CAPZA2: variants seen among roughly 807,000 people sequenced by gnomAD.
CAPZA2 encodes the protein F-actin-capping protein subunit alpha-2.
CAPZA2 carries 13 observed loss-of-function variants against 44.0 expected under a neutral mutation model. The ratio of observed to expected loss-of-function variants is 0.30; its 90% CI spans 0.19 to 0.47. The LOEUF (loss-of-function observed/expected upper bound fraction) is 0.47. Among genes scored for constraint, CAPZA2 ranks in the 20% least tolerant of loss-of-function variants. The pLI, the probability that CAPZA2 is intolerant of heterozygous loss-of-function variation, is 1.00. For synonymous variants in CAPZA2, 94 were observed against 108.2 expected, an observed-to-expected ratio of 0.87 and a Z score of 0.81; for missense variants, 244 against 338.6, an observed-to-expected ratio of 0.72 and a Z score of 2.19.
At chr7:116,886,692 C>T (rs1054753069) in intron 1 of CAPZA2, among the ~76,000 whole-genome samples, 1 of 152,208 alleles carries the variant, frequency 6.6e-6, no homozygotes, top group African/African-American at 2.4e-5. Flanking sequence ...CAGGACCTGT[C>T]TCCAGAGATT....
chr7:116,877,253 CAAG>C (rs1796634472), intron 1 of CAPZA2, among the ~76,000 whole-genome samples: 1 of 152,104 alleles, frequency 6.6e-6, no homozygotes, highest in South Asian at 2.1e-4. Flanking sequence ...AATAATATAC[CAAG>C]AAGTTTTTAA....
Position 116,920,200 on chromosome 7 carries a change from G to A in CAPZA2, c.*2333G>A, listed in dbSNP as rs1455978276. 2.0e-5 allele frequency: 3 copies of A among 152,036 alleles called. No individual in the cohort carries two copies. Among genetic ancestry groups the A allele is most frequent in the Non-Finnish European group, 4.4e-5 (3 of 68,076 alleles). The allele number at this position is 152,036 out of a possible 1,614,324, so 9.4% of individuals were successfully genotyped here. ...GTGGAGGTTGCAGTGAGCAGAGATC[G>A]AGCCACTGTACTCCAGCCTGGGTGA... On this transcript the variant is annotated 3_prime_UTR_variant, in exon 10 of 10. Transcript: ENST00000361183.
At chr7:116,914,432 TAC>T (rs71148345) in intron 8 of CAPZA2, among the ~76,000 whole-genome samples, 3,753 of 145,120 alleles carry the variant, frequency 0.026, 110 homozygotes, top group African/African-American at 0.07. Flanking sequence ...TATACATACA[TAC>T]ACACACACAC....
intron 1 of CAPZA2, among the ~76,000 whole-genome samples, chr7:116,864,047 T>C (rs1796451473): frequency 6.6e-6 from 1 of 152,140 alleles, no homozygotes; most frequent in African/African-American, 2.4e-5. Flanking sequence ...AGTAGGCAGA[T>C]CCCCGTATCC....
chr7:116,895,646 T>C (rs539754650), intron 3 of CAPZA2, among the ~76,000 whole-genome samples: 1 of 152,004 alleles, frequency 6.6e-6, no homozygotes, highest in East Asian at 1.9e-4. Flanking sequence ...CATGTAGTTA[T>C]AATCTCAGTG....
At chr7:116,873,714 G>A (rs1796581621) in intron 1 of CAPZA2, 1 of 155,924 alleles carries the variant, frequency 6.4e-6, no homozygotes, top group Admixed American at 6.5e-5. Context: ...TGTTCTAGAT[G>A]GTAATTATAA....
In CAPZA2 at chr7:116,888,172, T is replaced by C; in HGVS notation, c.85T>C (p.Phe29Leu). 1.2e-6 allele frequency: 2 copies of C among 1,610,500 alleles called. No homozygotes were observed. The highest frequency in any genetic ancestry group is 1.7e-6 in the Non-Finnish European group (2 of 1,177,792). Reference protein sequence around the residue: ...KFIIHAPPGEFNEVFNDVRLL... With the variant: ...KFIIHAPPGELNEVFNDVRLL... ...CATCATTCATGCCCCTCCTGGAGAA[T>C]TTAATGAGGTTTTCAATGGTGAGTG... Residue 29 changes from phenylalanine to leucine, a missense_variant, in exon 2 of 10, where the codon TTT becomes CTT. Physicochemically the swap from Phe to Leu is conservative, Grantham distance 22 (BLOSUM62 0). Coordinates refer to ENST00000361183, the MANE Select transcript of CAPZA2 (RefSeq NM_006136.3).
intron 1 of CAPZA2, among the ~76,000 whole-genome samples, chr7:116,862,999 G>GCCGGGGA (rs1297742566): frequency 2.6e-5 from 4 of 152,108 alleles, no homozygotes; most frequent in African/African-American, 4.8e-5. Flanking sequence ...CTCCGCCGGG[G>GCCGGGGA]CCGGGGACCG....
chr7:116,862,854 CCTGCTCGCTCCG>C (rs1472329770), intron 1 of CAPZA2, among the ~76,000 whole-genome samples: 5 of 151,910 alleles, frequency 3.3e-5, no homozygotes, highest in Admixed American at 1.3e-4. Context: ...CTCTGCCAGG[CCTGCTCGCTCCG>C]CTCCTTGTAG....
chr7:116,920,942 A>C lies in CAPZA2; in HGVS notation c.*3075A>C, dbSNP rs1791762396. 1 of 152,218 alleles carries C rather than the reference A, an allele frequency of 6.6e-6. No individual in the cohort carries two copies. Among genetic ancestry groups the C allele is most frequent in the Non-Finnish European group, 1.5e-5 (1 of 68,086 alleles). The allele number at this position is 152,218 out of a possible 1,614,324, so 9.4% of individuals were successfully genotyped here. Reference sequence around the variant, plus strand: ...TTTGCCCAGAGTGAATGACCACATGAAGAGGGGCAGGGTATGATGATGGTC... The same window carrying C: ...TTTGCCCAGAGTGAATGACCACATGCAGAGGGGCAGGGTATGATGATGGTC... On this transcript the variant is annotated 3_prime_UTR_variant, in exon 10 of 10. Coordinates refer to ENST00000361183, the MANE Select transcript of CAPZA2 (RefSeq NM_006136.3).
chr7:116,889,055 G>A (rs1796799584), intron 2 of CAPZA2, among the ~76,000 whole-genome samples: 1 of 152,116 alleles, frequency 6.6e-6, no homozygotes, highest in Non-Finnish European at 1.5e-5. Flanking sequence ...CACAGTATGC[G>A]TTCCTTTAAA....
chr7:116,867,352 G>A (rs1226473875), intron 1 of CAPZA2, among the ~76,000 whole-genome samples: 1 of 152,066 alleles, frequency 6.6e-6, no homozygotes, highest in Non-Finnish European at 1.5e-5. Context: ...AATCCCTCCT[G>A]TTTCCTGTAT....
chr7:116,863,655 A>T (rs1796446286), intron 1 of CAPZA2, among the ~76,000 whole-genome samples: 1 of 152,174 alleles, frequency 6.6e-6, no homozygotes, highest in South Asian at 2.1e-4. Context: ...TTTCTCGGAA[A>T]GGACCCTTAG....
At chr7:116,880,898 A>G (rs1423772587) in intron 1 of CAPZA2, among the ~76,000 whole-genome samples, 1 of 148,710 alleles carries the variant, frequency 6.7e-6, no homozygotes, top group African/African-American at 2.5e-5. Context: ...TAGTAGAGAC[A>G]GGGTTTCTCC....
intron 1 of CAPZA2, among the ~76,000 whole-genome samples, chr7:116,871,154 G>C (rs984358182): frequency 6.6e-6 from 1 of 152,162 alleles, no homozygotes; most frequent in African/African-American, 2.4e-5. Context: ...AGGGCAGGAA[G>C]CGTATACTTT....
intron 1 of CAPZA2, chr7:116,875,809 G>C (rs750673787): frequency 5.9e-5 from 9 of 151,724 alleles, no homozygotes; most frequent in Non-Finnish European, 1.0e-4. Flanking sequence ...CCAAAGTGTT[G>C]GGATTTTACA....
intron 2 of CAPZA2, 74 bp from the exon 3 acceptor site, chr7:116,892,920 C>A (rs1170498796): frequency 4.2e-5 from 45 of 1,068,148 alleles, no homozygotes; most frequent in Middle Eastern, 5.0e-4. Flanking sequence ...TAATACATCA[C>A]CAAAACAATC....
At chr7:116,897,629 C>T (rs1424506885) in intron 3 of CAPZA2, among the ~76,000 whole-genome samples, 1 of 151,968 alleles carries the variant, frequency 6.6e-6, no homozygotes. Context: ...TCTCAGTATC[C>T]TTTCTGTTAA....
intron 2 of CAPZA2, among the ~76,000 whole-genome samples, chr7:116,889,501 T>C (rs1010668607): frequency 1.3e-5 from 2 of 151,536 alleles, no homozygotes; most frequent in Admixed American, 1.3e-4. Context: ...GCAGGAGGAT[T>C]GCTTGAGGCT....
Sources: gnomAD v4.1 joint callset for allele counts (sites outside exome capture counted in the v4.1 genomes callset) on GRCh38, gnomAD v4.1.1 for gene constraint, MANE v1.5 for transcripts, NCBI Gene and HGNC (gene_info 2026-07-23, HGNC 2026-07-21) for gene names.